Variants in LINGO2 observed in about 807,000 individuals in gnomAD.
LINGO2 encodes leucine-rich repeat and immunoglobulin-like domain-containing nogo receptor-interacting protein 2.
In LINGO2, 14 loss-of-function variants were observed where a neutral mutation model predicts 30.6. The ratio of observed to expected loss-of-function variants is 0.46; its 90% CI spans 0.30 to 0.72. The LOEUF is 0.72. Among genes scored for constraint, LINGO2 ranks in the 30% least tolerant of loss-of-function variants. The pLI, the probability that LINGO2 is intolerant of heterozygous loss-of-function variation, is 0.07. For missense variants in LINGO2, 729 were observed against 751.7 expected, an observed-to-expected ratio of 0.97 and a Z score of 0.35; for synonymous variants, 317 against 288.5, an observed-to-expected ratio of 1.10 and a Z score of -1.00.
At position 28,179,432 on chromosome 9, in the gene LINGO2, T is replaced by TAA. The variant is rs1363186177; in HGVS notation, c.-87+115775_-87+115776insTT. Reference sequence around the variant, plus strand: ...TAGTATACTATATGTATGTATACTATACTATATATAGTATACATATACTAT... The same window carrying TAA: ...TAGTATACTATATGTATGTATACTATAAACTATATATAGTATACATATACTAT... On this transcript the variant is annotated intron_variant, in intron 4 of 5. Transcript: ENST00000379992. Among the ~76,000 whole-genome samples, 10 of 136,884 alleles carry TAA rather than the reference T, an allele frequency of 7.3e-5. 1 individual carries two copies. In the South Asian group the frequency reaches 1.6e-3, roughly 22 times the overall value. 89.8% of individuals were successfully genotyped at this position (136,884 alleles called of 152,430 possible).
chr9:28,510,961 G>A (rs1032379240), intron 1 of LINGO2, among the ~76,000 whole-genome samples: 1 of 151,962 alleles, frequency 6.6e-6, no homozygotes, highest in Admixed American at 6.6e-5. Context: ...TAGACTGTGG[G>A]TGTAGGCCAG....
intron 1 of LINGO2, among the ~76,000 whole-genome samples, chr9:28,646,835 A>G (rs1413064608): frequency 2.0e-5 from 3 of 152,108 alleles, no homozygotes; most frequent in African/African-American, 7.2e-5. Context: ...ACTGCATATA[A>G]TAATTCTAAT....
At chr9:28,995,996 T>C in the LINGO2 span, among the ~76,000 whole-genome samples, 1 of 146,084 alleles carries the variant, frequency 6.8e-6, no homozygotes, top group Admixed American at 7.1e-5. Flanking sequence ...ATTGTGCACA[T>C]GTACCCTAAA....
chr9:29,204,654 T>G, the LINGO2 span, among the ~76,000 whole-genome samples: 1 of 152,234 alleles, frequency 6.6e-6, no homozygotes. Flanking sequence ...CTTACCGTCT[T>G]ATTAAACCAG....
intron 3 of LINGO2, among the ~76,000 whole-genome samples, chr9:28,302,621 T>C (rs1217828746): frequency 6.6e-6 from 1 of 152,130 alleles, no homozygotes; most frequent in Non-Finnish European, 1.5e-5. Context: ...TAGTTAGCCC[T>C]GATCACACCA....
intron 1 of LINGO2, among the ~76,000 whole-genome samples, chr9:28,511,860 G>A (rs938548904): frequency 6.6e-6 from 1 of 152,136 alleles, no homozygotes; most frequent in African/African-American, 2.4e-5. Context: ...CTTCACCACT[G>A]TCCTTCAGCG....
chr9:28,883,648 A>ATATATATATATC, the LINGO2 span, among the ~76,000 whole-genome samples: 1 of 118,576 alleles, frequency 8.4e-6, no homozygotes, highest in Non-Finnish European at 1.8e-5. Context: ...ATATATATAT[A>ATATATATATATC]TATATATATA....
intron 1 of LINGO2, among the ~76,000 whole-genome samples, chr9:28,616,968 T>C (rs1482501034): frequency 6.6e-6 from 1 of 152,240 alleles, no homozygotes; most frequent in African/African-American, 2.4e-5. Context: ...TTTTTTTCTT[T>C]CTAAAATTGT....
chr9:29,136,153 T>C, the LINGO2 span, among the ~76,000 whole-genome samples: 65,037 of 151,944 alleles, frequency 0.43, 14,016 homozygotes, highest in East Asian at 0.58. Flanking sequence ...AAGTAAAATG[T>C]CTAAATCCAT....
At chr9:29,157,400 G>A in the LINGO2 span, among the ~76,000 whole-genome samples, 6 of 152,096 alleles carry the variant, frequency 3.9e-5, no homozygotes, top group Admixed American at 2.6e-4. Flanking sequence ...AGATGAGCAG[G>A]CATCATTCTG....
At chr9:28,488,794 C>A (rs981885149) in intron 1 of LINGO2, among the ~76,000 whole-genome samples, 62 of 152,034 alleles carry the variant, frequency 4.1e-4, no homozygotes, top group Non-Finnish European at 7.5e-4. Flanking sequence ...ACATGATGGT[C>A]CTGGTTATAC....
chr9:28,056,876 T>C (rs1824958593), intron 4 of LINGO2, among the ~76,000 whole-genome samples: 2 of 152,180 alleles, frequency 1.3e-5, no homozygotes, highest in Admixed American at 1.3e-4. Flanking sequence ...AATACAAGAA[T>C]GATAGAAACT....
chr9:28,141,315 G>T (rs902925675), intron 4 of LINGO2, among the ~76,000 whole-genome samples: 5 of 152,206 alleles, frequency 3.3e-5, no homozygotes, highest in Non-Finnish European at 7.3e-5. Context: ...CCAGCCACAG[G>T]AGGAATATTT....
At chr9:28,762,890 G>A in the LINGO2 span, among the ~76,000 whole-genome samples, 6 of 152,028 alleles carry the variant, frequency 3.9e-5, no homozygotes, top group Non-Finnish European at 8.8e-5. Flanking sequence ...AAGGAAAGAA[G>A]AAAGAGAGGA....
the LINGO2 span, among the ~76,000 whole-genome samples, chr9:28,975,019 A>C: frequency 0.65 from 98,733 of 151,768 alleles, 32,714 homozygotes; most frequent in Non-Finnish European, 0.72. Flanking sequence ...GGTTACTCAA[A>C]TGTAAACATA....
At chr9:28,069,497 A>C (rs1401379958) in intron 4 of LINGO2, among the ~76,000 whole-genome samples, 1 of 152,106 alleles carries the variant, frequency 6.6e-6, no homozygotes, top group African/African-American at 2.4e-5. Context: ...TATTTCAACT[A>C]ATCCTTCTGT....
chr9:28,855,800 G>A, the LINGO2 span, among the ~76,000 whole-genome samples: 23 of 152,126 alleles, frequency 1.5e-4, no homozygotes, highest in African/African-American at 5.3e-4. Flanking sequence ...TGAGTCTCCA[G>A]GTCCCAGACC....
At chr9:28,524,480 C>T (rs560778117) in intron 1 of LINGO2, among the ~76,000 whole-genome samples, 8 of 152,270 alleles carry the variant, frequency 5.3e-5, no homozygotes, top group South Asian at 2.1e-4. Flanking sequence ...AAGGGCCGGG[C>T]GTGGTGGCTC....
chr9:28,176,746 A>G (rs1412204218), intron 4 of LINGO2, among the ~76,000 whole-genome samples: 1 of 152,226 alleles, frequency 6.6e-6, no homozygotes, highest in African/African-American at 2.4e-5. Context: ...CATCATAAAT[A>G]CTTCTTGATT....
Sources: allele counts gnomAD v4.1 joint callset (sites outside exome capture counted in the v4.1 genomes callset), GRCh38; gene constraint gnomAD v4.1.1; transcripts MANE v1.5; gene names NCBI Gene and HGNC (gene_info 2026-07-23, HGNC 2026-07-21).